The following DCUN1D1 variants were observed in gnomAD, a reference collection of about 807,000 sequenced individuals.
The protein encoded by DCUN1D1 is defective in cullin neddylation 1 domain containing 1, also known as DCN1-like protein 1.
In DCUN1D1, 3 loss-of-function variants were observed where a neutral mutation model predicts 39.0. The observed-to-expected ratio is 0.08, with a 90% CI of 0.04 to 0.20. The LOEUF (loss-of-function observed/expected upper bound fraction) is 0.20, where lower values mean the gene tolerates loss of function less well. Among genes scored for constraint, DCUN1D1 ranks in the 10% least tolerant of loss-of-function variants. The pLI, the probability that DCUN1D1 is intolerant of heterozygous loss-of-function variation, is 1.00. For synonymous variants in DCUN1D1, 82 were observed against 96.3 expected (o/e 0.85, Z 0.87); for missense variants, 158 against 302.4 (o/e 0.52, Z 3.54).
chr3:182,975,705 A>G (rs1033014329), intron 1 of DCUN1D1, among the ~76,000 whole-genome samples: 5 of 151,444 alleles, frequency 3.3e-5, no homozygotes, highest in African/African-American at 1.2e-4. Context: ...AAACAAAAAC[A>G]AAAAACAAAA....
chr3:182,981,001 GGGA>G (rs923284492), upstream of DCUN1D1: 2 of 152,086 alleles, frequency 1.3e-5, no homozygotes, highest in African/African-American at 4.8e-5. Context: ...ATCAAAAAAA[GGGA>G]GAAGATAGTG....
chr3:182,953,252 G>C (rs191046125), intron 4 of DCUN1D1, among the ~76,000 whole-genome samples: 45 of 152,100 alleles, frequency 3.0e-4, no homozygotes, highest in African/African-American at 1.1e-3. Context: ...AAGTGTTTTT[G>C]AATAAAAAAG....
intron 1 of DCUN1D1, among the ~76,000 whole-genome samples, chr3:182,972,855 C>A (rs1228084235): frequency 6.6e-6 from 1 of 152,164 alleles, no homozygotes; most frequent in Admixed American, 6.5e-5. Flanking sequence ...CCAGCCTGAT[C>A]AACATGGAGA....
intron 2 of DCUN1D1, 107 bp from the exon 3 acceptor site, chr3:182,964,156 T>C: frequency 4.9e-6 from 4 of 820,070 alleles, no homozygotes; most frequent in Non-Finnish European, 7.6e-6. Flanking sequence ...CCACAATATA[T>C]GGAAGGCATG....
chr3:182,980,145 G>T, intron 1 of DCUN1D1: 1 of 838,492 alleles, frequency 1.2e-6, no homozygotes, highest in Non-Finnish European at 1.4e-6. Context: ...CAAGGCCGTT[G>T]CCCCCTCCCC....
intron 4 of DCUN1D1, among the ~76,000 whole-genome samples, chr3:182,953,874 C>T (rs1367983658): frequency 6.6e-6 from 1 of 152,180 alleles, no homozygotes; most frequent in Non-Finnish European, 1.5e-5. Flanking sequence ...AACAGAGATA[C>T]TCCCCATGTT....
intron 4 of DCUN1D1, among the ~76,000 whole-genome samples, chr3:182,958,108 A>T (rs1727186956): frequency 6.6e-6 from 1 of 152,068 alleles, no homozygotes; most frequent in African/African-American, 2.4e-5. Context: ...CAAATCTTGT[A>T]ATTTAAGAGC....
chr3:182,979,000 G>A (rs1282632498), intron 1 of DCUN1D1, among the ~76,000 whole-genome samples: 5 of 152,124 alleles, frequency 3.3e-5, no homozygotes, highest in Non-Finnish European at 5.9e-5. Flanking sequence ...GTTTCCCAGG[G>A]AATTAACGTC....
chr3:182,952,874 ATC>A (rs746899907), intron 4 of DCUN1D1, among the ~76,000 whole-genome samples: 16 of 152,222 alleles, frequency 1.1e-4, no homozygotes, highest in East Asian at 3.8e-4. Flanking sequence ...TCCATAACCA[ATC>A]TCTCTTCTAG....
In DCUN1D1 at chr3:182,938,565, T is replaced by C. The variant is rs1199701579; in HGVS notation, c.*6529A>G. On this transcript the variant is annotated 3_prime_UTR_variant, in exon 7 of 7. Transcript: ENST00000292782. ...AATAGGGGTTCAAAGATGAATGGCA[T>C]TTAGATAAATCAAGATTGGCCATGG... is the stretch of plus-strand genomic sequence containing the variant. 6.6e-6 allele frequency: 1 copy of C among 152,208 alleles called. No homozygotes were observed. Among genetic ancestry groups the C allele is most frequent in the African/African-American group, 2.4e-5 (1 of 41,464 alleles). 9.4% of individuals were successfully genotyped at this position (152,208 alleles called of 1,614,324 possible).
chr3:182,980,640 C>G (rs1040812146), upstream of DCUN1D1: 183 of 985,240 alleles, frequency 1.9e-4, no homozygotes, highest in African/African-American at 3.1e-3. Flanking sequence ...AGCCCCGGAC[C>G]TCGGGGAGGC....
chr3:182,980,088 AC>A, intron 1 of DCUN1D1: 1 of 920,872 alleles, frequency 1.1e-6, no homozygotes, highest in Non-Finnish European at 1.3e-6. Context: ...GGAACCCCAG[AC>A]CCCAGTCCCC....
chr3:182,975,116 C>T (rs1728152900), intron 1 of DCUN1D1, among the ~76,000 whole-genome samples: 1 of 151,908 alleles, frequency 6.6e-6, no homozygotes, highest in Non-Finnish European at 1.5e-5. Context: ...ACAATCAAAG[C>T]AGCCACTTGA....
At chr3:182,956,546 A>G (rs375175100) in intron 4 of DCUN1D1, among the ~76,000 whole-genome samples, 2 of 152,370 alleles carry the variant, frequency 1.3e-5, no homozygotes, top group African/African-American at 4.8e-5. Flanking sequence ...GATGGAGAAG[A>G]TAATATGCTT....
chr3:182,980,686 G>C (rs1262898094), upstream of DCUN1D1: 12 of 629,154 alleles, frequency 1.9e-5, no homozygotes, highest in South Asian at 6.8e-4. Context: ...GCCCCGCGCG[G>C]GGCTTCCCCC....
At chr3:182,947,399 G>A in intron 5 of DCUN1D1, 65 bp from the exon 6 acceptor site, 2 of 1,277,094 alleles carry the variant, frequency 1.6e-6, no homozygotes, top group Non-Finnish European at 2.2e-6. Flanking sequence ...AAACAGTTTG[G>A]ACAATTTGAA....
chr3:182,979,480 C>T (rs960291392), intron 1 of DCUN1D1, among the ~76,000 whole-genome samples: 1 of 152,116 alleles, frequency 6.6e-6, no homozygotes, highest in South Asian at 2.1e-4. Flanking sequence ...AACTCACGCT[C>T]AGACTGTACA....
At chr3:182,950,316 T>C (rs1017139218) in intron 4 of DCUN1D1, among the ~76,000 whole-genome samples, 1 of 151,958 alleles carries the variant, frequency 6.6e-6, no homozygotes, top group African/African-American at 2.4e-5. Flanking sequence ...ACCGGCTAAT[T>C]TTTGTATTTT....
In DCUN1D1 at chr3:182,967,156, A is replaced by C. The variant is rs1025937083; in HGVS notation, c.4-1403T>G. Among the ~76,000 whole-genome samples, 8 of 117,162 alleles carry C rather than the reference A, an allele frequency of 6.8e-5. No homozygotes were observed. In the South Asian group the frequency reaches 2.1e-3, roughly 30 times the overall value. The allele number at this position is 117,162 out of a possible 152,430, so 76.9% of individuals were successfully genotyped here. A position where few individuals can be genotyped will look rare whatever the true frequency, so the allele number is the denominator to read the frequency against. On this transcript the variant is annotated intron_variant, in intron 1 of 6. Coordinates refer to ENST00000292782, the MANE Select transcript of DCUN1D1 (RefSeq NM_020640.4). ...TATATATATATATATATATATATAT[A>C]TATTTTCTGTGGTTTAAGCAACACA...
Sources: gnomAD v4.1 joint callset for allele counts (sites outside exome capture counted in the v4.1 genomes callset) on GRCh38, gnomAD v4.1.1 for gene constraint, MANE v1.5 for transcripts, NCBI Gene and HGNC (gene_info 2026-07-23, HGNC 2026-07-21) for gene names.